The following SUMF1 variants were observed in gnomAD, a reference collection of about 807,000 sequenced individuals.
SUMF1 encodes the protein sulfatase modifying factor 1, also known as formylglycine-generating enzyme.
In SUMF1, 48 loss-of-function variants were observed where a neutral mutation model predicts 47.6. The ratio of observed to expected loss-of-function variants is 1.01; its 90% confidence interval spans 0.80 to 1.28. SUMF1 has a LOEUF of 1.28. Among genes scored for constraint, SUMF1 ranks in the 50% most tolerant of loss-of-function variants. The probability of loss-of-function intolerance (pLI) is 0.00; values close to 1 mark genes in which losing one functional copy is unlikely to be tolerated. For missense variants in SUMF1, 571 were observed against 485.4 expected, an observed-to-expected ratio of 1.18 and a Z score of -1.66; for synonymous variants, 230 against 192.1, an observed-to-expected ratio of 1.20 and a Z score of -1.63.
intron 8 of SUMF1, among the ~76,000 whole-genome samples, chr3:4,090,950 A>C (rs1302625971): frequency 2.0e-5 from 3 of 151,988 alleles, no homozygotes; most frequent in Admixed American, 6.5e-5. Flanking sequence ...GTGTGGAGGC[A>C]CGCACCCATA....
At chr3:4,362,335 G>T (rs970381600) in intron 8 of SUMF1, 81 bp from the exon 9 acceptor site, 5 of 1,172,330 alleles carry the variant, frequency 4.3e-6, no homozygotes, top group South Asian at 1.2e-5. Flanking sequence ...ATATTGCACC[G>T]GCTGTAGACA....
chr3:4,100,065 TTCCAA>T (rs1357937056), intron 8 of SUMF1, among the ~76,000 whole-genome samples: 5 of 150,898 alleles, frequency 3.3e-5, no homozygotes, highest in African/African-American at 9.7e-5. Context: ...ATATGAATTC[TTCCAA>T]TCCTTGGATT....
chr3:4,315,955 G>A (rs948033245), intron 8 of SUMF1, among the ~76,000 whole-genome samples: 4 of 149,322 alleles, frequency 2.7e-5, no homozygotes, highest in South Asian at 2.1e-4. Context: ...GCTGAGGTAC[G>A]AGAATCACTT....
At chr3:4,286,399 G>C (rs1359542630) in intron 8 of SUMF1, among the ~76,000 whole-genome samples, 4 of 152,164 alleles carry the variant, frequency 2.6e-5, no homozygotes, top group East Asian at 1.9e-4. Context: ...CAGCACAAAA[G>C]CAGTAAAAGT....
At chr3:4,248,949 C>A (rs1190534904) in intron 8 of SUMF1, among the ~76,000 whole-genome samples, 1 of 152,190 alleles carries the variant, frequency 6.6e-6, no homozygotes, top group Non-Finnish European at 1.5e-5. Context: ...AGAACACAAA[C>A]AGACCACCAG....
chr3:4,196,816 C>CT (rs1472003269), intron 8 of SUMF1, among the ~76,000 whole-genome samples: 11 of 152,236 alleles, frequency 7.2e-5, no homozygotes, highest in South Asian at 4.1e-4. Flanking sequence ...AGATTAAATA[C>CT]TAGGGAACCA....
intron 8 of SUMF1, among the ~76,000 whole-genome samples, chr3:4,344,780 C>T (rs941462603): frequency 6.6e-6 from 1 of 151,980 alleles, no homozygotes; most frequent in African/African-American, 2.4e-5. Context: ...AAGCTAAGAA[C>T]CTTGATAAGA....
chr3:4,317,409 A>G, intron 8 of SUMF1: 1 of 607,000 alleles, frequency 1.6e-6, no homozygotes, highest in Non-Finnish European at 2.8e-6. Context: ...GTGGCCTGGC[A>G]TGGTGGCTTA....
intron 1 of SUMF1, among the ~76,000 whole-genome samples, chr3:4,462,755 A>T (rs2079846913): frequency 6.6e-6 from 1 of 152,234 alleles, no homozygotes; most frequent in African/African-American, 2.4e-5. Context: ...TAAGAGAAGC[A>T]TGCTCTCTGG....
At chr3:4,142,565 G>C (rs1459900758) in intron 8 of SUMF1, among the ~76,000 whole-genome samples, 1 of 152,066 alleles carries the variant, frequency 6.6e-6, no homozygotes. Flanking sequence ...TTGTATACTC[G>C]ATAGTACCTA....
intron 8 of SUMF1, among the ~76,000 whole-genome samples, chr3:4,198,817 C>T (rs2125150270): frequency 6.6e-6 from 1 of 152,060 alleles, no homozygotes; most frequent in East Asian, 1.9e-4. Context: ...TGTACATCTG[C>T]TCTGGGGAAT....
At chr3:4,299,203 C>T (rs75345275) in intron 8 of SUMF1, among the ~76,000 whole-genome samples, 6,976 of 152,230 alleles carry the variant, frequency 0.046, 548 homozygotes, top group African/African-American at 0.16. Context: ...ATTCAGGATT[C>T]CCCCACACCC....
chr3:4,345,321 C>T (rs1448481480), intron 8 of SUMF1, among the ~76,000 whole-genome samples: 1 of 152,186 alleles, frequency 6.6e-6, no homozygotes, highest in African/African-American at 2.4e-5. Flanking sequence ...GCCCATCAGA[C>T]TAACAGCGGA....
At position 4,056,936 on chromosome 3, in the gene SUMF1, C is replaced by T. The variant is rs140538391; in HGVS notation, c.1191+11633G>A. ...TTTTGTATTTTAAGTTAAGCAGAGA[C>T]GGGGTTTCACCATGTTAGCCAGGAT... On this transcript the variant is annotated intron_variant and NMD_transcript_variant, in intron 9 of 12. Transcript: ENST00000448413. 4.6e-3 allele frequency among the ~76,000 whole-genome samples: 691 copies of T among 151,354 alleles called. 8 individuals are homozygous for T. The highest frequency in any genetic ancestry group is 0.015 in the African/African-American group (617 of 41,248).
At chr3:4,277,013 ACAT>A (rs1161785588) in intron 8 of SUMF1, among the ~76,000 whole-genome samples, 2 of 152,142 alleles carry the variant, frequency 1.3e-5, no homozygotes, top group Non-Finnish European at 2.9e-5. Flanking sequence ...AATATCAAAC[ACAT>A]CATTTTAGAT....
At chr3:4,042,861 A>T (rs1370993415) in intron 9 of SUMF1, among the ~76,000 whole-genome samples, 1 of 152,144 alleles carries the variant, frequency 6.6e-6, no homozygotes, top group Non-Finnish European at 1.5e-5. Context: ...AAAGTCCCTC[A>T]GCAAGTTGGC....
At chr3:4,434,294 T>C (rs1306914513) in intron 3 of SUMF1, among the ~76,000 whole-genome samples, 6 of 152,262 alleles carry the variant, frequency 3.9e-5, no homozygotes, top group Non-Finnish European at 8.8e-5. Flanking sequence ...TAGTGTACCA[T>C]ACACACACAT....
chr3:4,217,896 G>C (rs1695971261), intron 8 of SUMF1, among the ~76,000 whole-genome samples: 1 of 151,878 alleles, frequency 6.6e-6, no homozygotes, highest in Non-Finnish European at 1.5e-5. Context: ...TTGAAAGATA[G>C]GTAAGGTCTG....
At chr3:4,370,610 C>T (rs1292636114) in intron 8 of SUMF1, among the ~76,000 whole-genome samples, 2 of 152,140 alleles carry the variant, frequency 1.3e-5, no homozygotes, top group East Asian at 1.9e-4. Context: ...TCTACAGCTG[C>T]GACACAGGAT....
Sources: allele counts gnomAD v4.1 joint callset (sites outside exome capture counted in the v4.1 genomes callset), GRCh38; gene constraint gnomAD v4.1.1; transcripts MANE v1.5; gene names NCBI Gene and HGNC (gene_info 2026-07-23, HGNC 2026-07-21).